TAFA4: variants seen among roughly 807,000 people sequenced by gnomAD.
TAFA4 encodes the protein chemokine-like protein TAFA-4.
A neutral mutation model predicts 21.1 loss-of-function variants in TAFA4; 20 were observed. The ratio of observed to expected loss-of-function variants is 0.95; its 90% CI spans 0.67 to 1.38. The LOEUF (loss-of-function observed/expected upper bound fraction) is 1.38. Ranked by LOEUF, TAFA4 falls within the 40% of genes most tolerant of loss-of-function variation. The pLI is 0.00. For missense variants in TAFA4, 211 were observed against 180.9 expected, an observed-to-expected ratio of 1.17 and a Z score of -0.95; for synonymous variants, 71 against 67.4, an observed-to-expected ratio of 1.05 and a Z score of -0.26.
chr3:68,912,468 C>T (rs1330927432), intron 1 of TAFA4, among the ~76,000 whole-genome samples: 3 of 152,206 alleles, frequency 2.0e-5, no homozygotes, highest in Non-Finnish European at 4.4e-5. Flanking sequence ...ATGAGCCACA[C>T]TATATTGGGT....
At chr3:68,899,264 AT>A (rs2089821903) in intron 1 of TAFA4, among the ~76,000 whole-genome samples, 2 of 152,206 alleles carry the variant, frequency 1.3e-5, no homozygotes, top group South Asian at 4.1e-4. Flanking sequence ...CTCATTAATA[AT>A]TTTTAATATT....
chr3:68,930,398 AACTT>A (rs1238725673), intron 1 of TAFA4, among the ~76,000 whole-genome samples: 41 of 152,320 alleles, frequency 2.7e-4, no homozygotes, highest in African/African-American at 9.1e-4. Context: ...TGGACAGGAC[AACTT>A]ACTTATCTTT....
intron 1 of TAFA4, among the ~76,000 whole-genome samples, chr3:68,916,389 C>G (rs2090005459): frequency 6.6e-6 from 1 of 152,164 alleles, no homozygotes; most frequent in South Asian, 2.1e-4. Context: ...CCAGAAATGG[C>G]CCTCAGTATC....
At chr3:68,806,703 G>T (rs753369360) in intron 3 of TAFA4, among the ~76,000 whole-genome samples, 3 of 152,050 alleles carry the variant, frequency 2.0e-5, no homozygotes, top group Non-Finnish European at 4.4e-5. Context: ...AGGTCATGAG[G>T]ATAGAGTCCT....
chr3:68,818,180 T>A (rs146353897), intron 3 of TAFA4, among the ~76,000 whole-genome samples: 1 of 152,226 alleles, frequency 6.6e-6, no homozygotes, highest in Non-Finnish European at 1.5e-5. Context: ...TTTCATGTTA[T>A]GGAAATGGCT....
chr3:68,844,649 G>C (rs1340910848), intron 3 of TAFA4, among the ~76,000 whole-genome samples: 2 of 152,126 alleles, frequency 1.3e-5, no homozygotes, highest in Non-Finnish European at 2.9e-5. Flanking sequence ...TCCCCTGTGG[G>C]CACTTAGTGG....
At chr3:68,915,320 C>A (rs921241969) in intron 1 of TAFA4, among the ~76,000 whole-genome samples, 2 of 152,210 alleles carry the variant, frequency 1.3e-5, no homozygotes, top group African/African-American at 4.8e-5. Context: ...TACAAACTAT[C>A]ACAAGCAAAC....
intron 3 of TAFA4, among the ~76,000 whole-genome samples, chr3:68,857,999 G>C (rs1705109504): frequency 6.6e-6 from 1 of 152,036 alleles, no homozygotes; most frequent in African/African-American, 2.4e-5. Context: ...TTCTCCATCT[G>C]CTTGTCAAAC....
chr3:68,795,700 G>T (rs1482656827), intron 3 of TAFA4, among the ~76,000 whole-genome samples: 1 of 152,122 alleles, frequency 6.6e-6, no homozygotes. Flanking sequence ...CTGAATCCTC[G>T]AGCTACTGTT....
chr3:68,774,051 G>C (rs1028006063), intron 3 of TAFA4, among the ~76,000 whole-genome samples: 5 of 152,228 alleles, frequency 3.3e-5, no homozygotes, highest in Non-Finnish European at 4.4e-5. Context: ...ATGAACTACA[G>C]CAGTCAAGCT....
At chr3:68,881,891 G>A (rs560051351) in intron 2 of TAFA4, among the ~76,000 whole-genome samples, 10 of 152,262 alleles carry the variant, frequency 6.6e-5, no homozygotes, top group Admixed American at 5.2e-4. Context: ...GAAAGTCCCA[G>A]TCCCCTACTC....
At chr3:68,856,118 G>A (rs902943280) in intron 3 of TAFA4, among the ~76,000 whole-genome samples, 2 of 152,046 alleles carry the variant, frequency 1.3e-5, no homozygotes, top group Non-Finnish European at 2.9e-5. Flanking sequence ...ACTCCGTGGT[G>A]TAAGGAAAAA....
chr3:68,814,719 G>C (rs143365264), intron 3 of TAFA4, among the ~76,000 whole-genome samples: 1 of 152,068 alleles, frequency 6.6e-6, no homozygotes, highest in East Asian at 1.9e-4. Context: ...AATCAGTATC[G>C]TGAAAATGGC....
At chr3:68,783,079 C>G (rs1293888977) in intron 3 of TAFA4, among the ~76,000 whole-genome samples, 1 of 152,158 alleles carries the variant, frequency 6.6e-6, no homozygotes, top group Non-Finnish European at 1.5e-5. Flanking sequence ...ATTCAACATC[C>G]ATTCATAAGA....
chr3:68,916,801 A>G (rs2090008395), intron 1 of TAFA4, among the ~76,000 whole-genome samples: 1 of 152,134 alleles, frequency 6.6e-6, no homozygotes, highest in Admixed American at 6.5e-5. Context: ...GCTGTTGGAG[A>G]ACCAACTATT....
intron 3 of TAFA4, among the ~76,000 whole-genome samples, chr3:68,793,698 T>C (rs1191792631): frequency 6.6e-6 from 1 of 152,204 alleles, no homozygotes; most frequent in Non-Finnish European, 1.5e-5. Context: ...GGAGCTGCCA[T>C]TTTTATTGCT....
At chr3:68,783,673 C>A (rs4855513) in intron 3 of TAFA4, among the ~76,000 whole-genome samples, 1 of 86,130 alleles carries the variant, frequency 1.2e-5, no homozygotes, top group Non-Finnish European at 2.3e-5. Flanking sequence ...CACACACACA[C>A]AGAGAGAGAG....
At chr3:68,840,847 A>G (rs1369883005) in intron 3 of TAFA4, among the ~76,000 whole-genome samples, 1 of 152,214 alleles carries the variant, frequency 6.6e-6, no homozygotes, top group Non-Finnish European at 1.5e-5. Flanking sequence ...GCCCATGGCT[A>G]GACTAACCAA....
At chr3:68,839,445 CA>C (rs1272231438) in intron 3 of TAFA4, among the ~76,000 whole-genome samples, 1 of 152,124 alleles carries the variant, frequency 6.6e-6, no homozygotes, top group African/African-American at 2.4e-5. Context: ...AAAAGTAATT[CA>C]CAATAAAATG....
Sources: allele counts gnomAD v4.1 joint callset (sites outside exome capture counted in the v4.1 genomes callset), GRCh38; gene constraint gnomAD v4.1.1; transcripts MANE v1.5; gene names NCBI Gene and HGNC (gene_info 2026-07-23, HGNC 2026-07-21).